AK9: variants seen among roughly 807,000 people sequenced by gnomAD.
The protein encoded by AK9 is adenylate kinase domain containing 1.
Under a neutral mutation model 239.6 loss-of-function variants are expected in AK9, and 191 were observed. That is an observed-to-expected ratio of 0.80 (90% confidence interval 0.71 to 0.90). AK9 has a LOEUF of 0.90. AK9 is among the 40% of genes least tolerant of loss of function. The pLI, the probability that AK9 is intolerant of heterozygous loss-of-function variation, is 0.00. For synonymous variants in AK9, 689 were observed against 721.0 expected (o/e 0.96, Z 0.71); for missense variants, 1,995 against 2,214.7 (o/e 0.90, Z 1.99).
intron 17 of AK9, among the ~76,000 whole-genome samples, chr6:109,600,552 G>C (rs1214022619): frequency 6.6e-6 from 1 of 152,024 alleles, no homozygotes; most frequent in Non-Finnish European, 1.5e-5. Context: ...TTTTTGTTGT[G>C]TCTCTGCCAG....
chr6:109,676,552 C>G (rs868220446), intron 1 of AK9, among the ~76,000 whole-genome samples: 3 of 151,668 alleles, frequency 2.0e-5, no homozygotes, highest in African/African-American at 7.3e-5. Context: ...AGTAAAATAG[C>G]ATGAGACATA....
At chr6:109,651,382 C>T (rs1410312355) in intron 8 of AK9, among the ~76,000 whole-genome samples, 1 of 152,042 alleles carries the variant, frequency 6.6e-6, no homozygotes, top group Admixed American at 6.6e-5. Context: ...AGAACAAAGA[C>T]ACAACATACC....
chr6:109,503,829 C>T (rs551453452), intron 35 of AK9, among the ~76,000 whole-genome samples: 8 of 152,258 alleles, frequency 5.3e-5, no homozygotes, highest in East Asian at 3.9e-4. Flanking sequence ...TACTCCCTCC[C>T]GGGGTGGCCT....
chr6:109,685,256 T>A (rs1773337475), intron 1 of AK9, among the ~76,000 whole-genome samples: 1 of 152,138 alleles, frequency 6.6e-6, no homozygotes, highest in Non-Finnish European at 1.5e-5. Flanking sequence ...TAGAAATCAT[T>A]CTACTATAAA....
intron 35 of AK9, among the ~76,000 whole-genome samples, chr6:109,500,999 TCTCAAA>T (rs1248870759): frequency 1.5e-5 from 1 of 65,930 alleles, no homozygotes; most frequent in Non-Finnish European, 3.9e-5. Flanking sequence ...AGAGTGAGAC[TCTCAAA>T]CAAACAAACA....
rs142520780 is a variant in AK9, at chr6:109,637,927, A to G, written c.933+3591T>C. Among the ~76,000 whole-genome samples the G allele has an allele frequency of 2.1e-3, 313 of 152,316 alleles. 1 individual carries two copies. The highest frequency in any genetic ancestry group is 7.2e-3 in the African/African-American group (298 of 41,562). On this transcript the variant is annotated intron_variant, in intron 10 of 40. Transcript: ENST00000424296. ...AAATACATTTTCAGGTTCCATCTCC[A>G]GATAGTCTGGTTCAATCAGTCTGGG...
At chr6:109,647,145 T>C (rs181728257) in intron 8 of AK9, among the ~76,000 whole-genome samples, 10 of 152,228 alleles carry the variant, frequency 6.6e-5, no homozygotes, top group African/African-American at 2.4e-4. Flanking sequence ...TGCCAAGTTG[T>C]AAAGAGCATC....
intron 5 of AK9, among the ~76,000 whole-genome samples, chr6:109,671,432 T>C (rs934120378): frequency 6.6e-6 from 1 of 152,182 alleles, no homozygotes; most frequent in African/African-American, 2.4e-5. Context: ...TCCATTTGAG[T>C]ACCAGGAGAG....
At chr6:109,570,277 T>A (rs971616638) in intron 21 of AK9, among the ~76,000 whole-genome samples, 4 of 151,238 alleles carry the variant, frequency 2.6e-5, no homozygotes, top group Non-Finnish European at 1.5e-5. Flanking sequence ...CTGGAGCCTG[T>A]CGTGGGGTGG....
chr6:109,659,795 C>T lies in AK9; in HGVS notation c.445-382G>A, dbSNP rs1562569979. 2.0e-5 allele frequency among the ~76,000 whole-genome samples: 3 copies of T among 152,130 alleles called. No homozygotes were observed. The East Asian group carries it at 5.8e-4, about 29-fold the overall frequency. On this transcript the variant is annotated intron_variant, in intron 6 of 40. Coordinates refer to ENST00000424296, the MANE Select transcript of AK9 (RefSeq NM_001145128.3). ...GAATGGAGCAAAATGGGGGGAATAG[C>T]CACATATTTCCAATAAAATATATTG... is the stretch of plus-strand genomic sequence containing the variant.
intron 6 of AK9, chr6:109,661,041 C>A: frequency 4.7e-6 from 2 of 421,344 alleles, no homozygotes; most frequent in South Asian, 2.0e-5. Flanking sequence ...TTCATGAATG[C>A]TTAGGGATTT....
chr6:109,636,497 T>C (rs1332802303), intron 10 of AK9, among the ~76,000 whole-genome samples: 2 of 151,874 alleles, frequency 1.3e-5, no homozygotes, highest in African/African-American at 4.8e-5. Flanking sequence ...CCACCACCTC[T>C]ATTCATTTCC....
chr6:109,580,100 T>C (rs2128206448), intron 19 of AK9, among the ~76,000 whole-genome samples: 1 of 152,300 alleles, frequency 6.6e-6, no homozygotes, highest in South Asian at 2.1e-4. Flanking sequence ...CATATAAGTG[T>C]TTTAAGTTTT....
At chr6:109,635,421 T>C (rs7761008) in intron 10 of AK9, among the ~76,000 whole-genome samples, 88,567 of 151,978 alleles carry the variant, frequency 0.58, 27,488 homozygotes, top group South Asian at 0.84. Flanking sequence ...GAAAACAGTG[T>C]AACTGGTTGG....
intron 19 of AK9, among the ~76,000 whole-genome samples, chr6:109,580,489 A>G (rs917400539): frequency 7.2e-5 from 11 of 152,228 alleles, no homozygotes; most frequent in African/African-American, 2.7e-4. Context: ...AAAAAATTTT[A>G]ACAAAAAATT....
chr6:109,594,984 GC>G (rs1181533144), intron 17 of AK9, among the ~76,000 whole-genome samples: 1 of 152,146 alleles, frequency 6.6e-6, no homozygotes, highest in Non-Finnish European at 1.5e-5. Flanking sequence ...AAAAGCAATT[GC>G]AACAAAAGCC....
At chr6:109,608,050 T>C (rs779602036) in intron 17 of AK9, among the ~76,000 whole-genome samples, 1 of 151,766 alleles carries the variant, frequency 6.6e-6, no homozygotes, top group African/African-American at 2.4e-5. Flanking sequence ...CCAAGGCAGA[T>C]AGATCACTTG....
intron 21 of AK9, 28 bp from the exon 22 acceptor site, chr6:109,564,873 T>C (rs1397068588): frequency 6.8e-7 from 1 of 1,469,028 alleles, no homozygotes; most frequent in African/African-American, 1.4e-5. Context: ...ATAGTTAGTG[T>C]TTAAATTTGA....
At chr6:109,594,690 C>T (rs549755966) in intron 17 of AK9, among the ~76,000 whole-genome samples, 1 of 152,096 alleles carries the variant, frequency 6.6e-6, no homozygotes, top group Non-Finnish European at 1.5e-5. Flanking sequence ...AAAACAGAGG[C>T]CTCAGAAATA....
Sources: allele counts gnomAD v4.1 joint callset (sites outside exome capture counted in the v4.1 genomes callset), GRCh38; gene constraint gnomAD v4.1.1; transcripts MANE v1.5; gene names NCBI Gene and HGNC (gene_info 2026-07-23, HGNC 2026-07-21).